The following ANOS1 variants were observed in gnomAD, a reference collection of about 807,000 sequenced individuals.
The protein encoded by ANOS1 is anosmin 1.
In ANOS1, 6 loss-of-function variants were observed where a neutral mutation model predicts 59.0. That is an observed-to-expected ratio of 0.10 (90% CI 0.06 to 0.20). The LOEUF is 0.20. Ranked by LOEUF, ANOS1 falls within the 10% of genes least tolerant of loss-of-function variation. The probability of loss-of-function intolerance (pLI) is 1.00; values close to 1 mark genes in which losing one functional copy is unlikely to be tolerated. For missense variants in ANOS1, 433 were observed against 542.3 expected (o/e 0.80, Z 2.00); for synonymous variants, 217 against 223.4 (o/e 0.97, Z 0.25).
intron 2 of ANOS1, among the ~76,000 whole-genome samples, chrX:8,666,672 A>G (rs1249497111): frequency 1.8e-5 from 2 of 112,257 alleles, no homozygotes; most frequent in African/African-American, 6.5e-5. Context: ...CAGAGGAAAA[A>G]TGCTCCACAT....
At chrX:8,710,849 A>G (rs1405319493) in intron 1 of ANOS1, among the ~76,000 whole-genome samples, 1 of 112,304 alleles carries the variant, frequency 8.9e-6, no homozygotes, top group Non-Finnish European at 1.9e-5. Flanking sequence ...TTACCATGCC[A>G]AAGGAAAACA....
At chrX:8,555,853 C>T (rs1197852282) in intron 8 of ANOS1, among the ~76,000 whole-genome samples, 1 of 112,635 alleles carries the variant, frequency 8.9e-6, no homozygotes, top group Admixed American at 9.4e-5. Context: ...ATGAGGTCAG[C>T]ATCATGCTGA....
chrX:8,679,149 T>C (rs1932381698), intron 2 of ANOS1, among the ~76,000 whole-genome samples: 1 of 111,749 alleles, frequency 8.9e-6, no homozygotes, highest in Non-Finnish European at 1.9e-5. Flanking sequence ...CATGGGTTCA[T>C]ATATGTAGTT....
intron 10 of ANOS1, 71 bp from the exon 11 acceptor site, chrX:8,537,013 G>T: frequency 1.1e-6 from 1 of 895,263 alleles, no homozygotes; most frequent in Non-Finnish European, 1.6e-6. Context: ...GGCAAGAATT[G>T]AAATCATATT....
intron 1 of ANOS1, among the ~76,000 whole-genome samples, chrX:8,709,631 C>T (rs188988302): frequency 1.1e-3 from 120 of 111,860 alleles, no homozygotes; most frequent in Non-Finnish European, 2.0e-3. Context: ...ATTTATCTGG[C>T]TATAGTGTAC....
At chrX:8,539,544 C>CA in intron 10 of ANOS1, 120 bp downstream of exon 10, 5 of 1,089,946 alleles carry the variant, frequency 4.6e-6, no homozygotes, top group Non-Finnish European at 6.3e-6. Context: ...CCACTTCCAT[C>CA]AAGTCATTAC....
At chrX:8,600,486 T>G (rs1054809444) in intron 3 of ANOS1, among the ~76,000 whole-genome samples, 10 of 112,271 alleles carry the variant, frequency 8.9e-5, no homozygotes, top group Admixed American at 3.8e-4. Flanking sequence ...ATAACATGAG[T>G]TGACTGAACT....
chrX:8,634,234 A>G (rs1001807492), intron 2 of ANOS1, among the ~76,000 whole-genome samples: 2 of 111,153 alleles, frequency 1.8e-5, no homozygotes, highest in African/African-American at 6.5e-5. Context: ...AAATGATTGG[A>G]AAAAAATGAT....
chrX:8,628,759 A>C (rs56200767), intron 2 of ANOS1, among the ~76,000 whole-genome samples: 3 of 112,578 alleles, frequency 2.7e-5, no homozygotes, highest in Non-Finnish European at 5.6e-5. Flanking sequence ...CTACTGCTTC[A>C]ATTCCAATGA....
chrX:8,621,692 G>GAA (rs199568876), intron 3 of ANOS1, among the ~76,000 whole-genome samples: 1 of 111,828 alleles, frequency 8.9e-6, no homozygotes, highest in Non-Finnish European at 1.9e-5. Context: ...TCCCTCATTT[G>GAA]AAAAATGAGG....
chrX:8,668,719 C>T (rs1932205696), intron 2 of ANOS1, among the ~76,000 whole-genome samples: 1 of 108,848 alleles, frequency 9.2e-6, no homozygotes, highest in Admixed American at 1.0e-4. Flanking sequence ...CAATGAAAAC[C>T]TCCACGTCTA....
chrX:8,660,630 T>TA (rs1932022232), intron 2 of ANOS1, among the ~76,000 whole-genome samples: 2 of 110,626 alleles, frequency 1.8e-5, no homozygotes, highest in African/African-American at 3.3e-5. Context: ...AGAAAATTTT[T>TA]AAAAAAGAGA....
chrX:8,573,433 C>T (rs1427267258), intron 6 of ANOS1, among the ~76,000 whole-genome samples: 1 of 110,963 alleles, frequency 9.0e-6, no homozygotes, highest in African/African-American at 3.3e-5. Flanking sequence ...CTTAACATCT[C>T]ATAATCTCTA....
In ANOS1 at chrX:8,532,795, G is replaced by A; in HGVS notation, c.*200C>T. On this transcript the variant is annotated 3_prime_UTR_variant, in exon 14 of 14. Coordinates refer to ENST00000262648, the MANE Select transcript of ANOS1 (RefSeq NM_000216.4). Reference sequence around the variant, plus strand: ...TTCTCCATGCTTGTAGGGAACTGGTGTCTGTCTTCACCAATCTACTGTTTC... The same window carrying A: ...TTCTCCATGCTTGTAGGGAACTGGTATCTGTCTTCACCAATCTACTGTTTC... 2.5e-6 allele frequency: 1 copy of A among 404,903 alleles called. No homozygotes were observed. The highest frequency in any genetic ancestry group is 4.3e-6 in the Non-Finnish European group (1 of 230,125). 33.4% of individuals were successfully genotyped at this position (404,903 alleles called of 1,213,427 possible). A position where few individuals can be genotyped will look rare whatever the true frequency, so the allele number is the denominator to read the frequency against.
chrX:8,598,054 G>A (rs1930775419), intron 3 of ANOS1, among the ~76,000 whole-genome samples: 1 of 111,389 alleles, frequency 9.0e-6, no homozygotes, highest in African/African-American at 3.3e-5. Flanking sequence ...CATATTTATT[G>A]GTATTGTATA....
At chrX:8,688,183 G>C (rs1235809156) in intron 2 of ANOS1, among the ~76,000 whole-genome samples, 1 of 111,950 alleles carries the variant, frequency 8.9e-6, no homozygotes, top group African/African-American at 3.2e-5. Context: ...CAGAGATAAA[G>C]CAACATGATA....
chrX:8,710,488 T>C (rs571181240), intron 1 of ANOS1, among the ~76,000 whole-genome samples: 11 of 112,058 alleles, frequency 9.8e-5, no homozygotes, highest in Admixed American at 4.7e-4. Flanking sequence ...TCAAAATGTT[T>C]GTAAATGGTA....
At chrX:8,563,915 G>A (rs142817487) in intron 8 of ANOS1, among the ~76,000 whole-genome samples, 1 of 111,876 alleles carries the variant, frequency 8.9e-6, no homozygotes, top group East Asian at 2.8e-4. Flanking sequence ...GAGGGAGTGA[G>A]TTCAATGTGG....
intron 2 of ANOS1, among the ~76,000 whole-genome samples, chrX:8,641,570 T>C (rs1357961116): frequency 4.5e-5 from 5 of 112,154 alleles, no homozygotes; most frequent in Non-Finnish European, 9.4e-5. Context: ...CATCAGGAGA[T>C]GGAAATGCAA....
Sources: gnomAD v4.1 joint callset for allele counts (sites outside exome capture counted in the v4.1 genomes callset) on GRCh38, gnomAD v4.1.1 for gene constraint, MANE v1.5 for transcripts, NCBI Gene and HGNC (gene_info 2026-07-23, HGNC 2026-07-21) for gene names.